DACH1: variants seen among roughly 807,000 people sequenced by gnomAD.
DACH1 encodes dachshund family transcription factor 1, also known as dachshund homolog 1.
DACH1 carries 12 observed loss-of-function variants against 54.2 expected under a neutral mutation model. The ratio of observed to expected loss-of-function variants is 0.22; its 90% CI spans 0.14 to 0.36. The LOEUF (loss-of-function observed/expected upper bound fraction) is 0.36, where lower values mean the gene tolerates loss of function less well. Ranked by LOEUF, DACH1 falls within the 10% of genes least tolerant of loss-of-function variation. DACH1 has a pLI of 1.00. For missense variants in DACH1, 805 were observed against 929.8 expected (o/e 0.87, Z 1.75); for synonymous variants, 386 against 366.2 (o/e 1.05, Z -0.62).
At chr13:71,472,461 T>C (rs946295516) in intron 10 of DACH1, among the ~76,000 whole-genome samples, 1 of 152,228 alleles carries the variant, frequency 6.6e-6, no homozygotes, top group African/African-American at 2.4e-5. Context: ...GCCCAACTTC[T>C]AGGTGACTAA....
intron 6 of DACH1, among the ~76,000 whole-genome samples, chr13:71,491,248 T>G (rs1294436495): frequency 6.6e-6 from 1 of 152,176 alleles, no homozygotes; most frequent in Non-Finnish European, 1.5e-5. Context: ...AAGAGGCTCA[T>G]GTAGCCTAGA....
chr13:71,723,387 C>A (rs985930764), intron 1 of DACH1, among the ~76,000 whole-genome samples: 1 of 151,996 alleles, frequency 6.6e-6, no homozygotes. Context: ...GCATTCCAGC[C>A]GAGGCAGTAG....
chr13:71,856,809 G>A (rs1874033090), intron 1 of DACH1, among the ~76,000 whole-genome samples: 2 of 151,832 alleles, frequency 1.3e-5, no homozygotes, highest in Non-Finnish European at 1.5e-5. Flanking sequence ...TCTTTACTAG[G>A]TGTTTTCAAA....
At chr13:71,703,689 A>G (rs187013635) in intron 1 of DACH1, among the ~76,000 whole-genome samples, 109 of 139,854 alleles carry the variant, frequency 7.8e-4, no homozygotes, top group African/African-American at 3.6e-3. Context: ...TTCAACACCT[A>G]TGAGTAGGGT....
At chr13:71,594,437 TG>T (rs1266592532) in intron 3 of DACH1, among the ~76,000 whole-genome samples, 1 of 152,100 alleles carries the variant, frequency 6.6e-6, no homozygotes, top group East Asian at 1.9e-4. Flanking sequence ...ATTACATCAA[TG>T]GAAATTTCTC....
intron 2 of DACH1, among the ~76,000 whole-genome samples, chr13:71,633,149 C>A (rs1475400274): frequency 6.6e-6 from 1 of 152,164 alleles, no homozygotes; most frequent in East Asian, 1.9e-4. Flanking sequence ...TCACTATTAT[C>A]AGAGAGATCC....
At chr13:71,682,150 A>T (rs958944152) in intron 1 of DACH1, among the ~76,000 whole-genome samples, 1 of 152,206 alleles carries the variant, frequency 6.6e-6, no homozygotes, top group African/African-American at 2.4e-5. Flanking sequence ...CTGCTTCTTC[A>T]TATTAATATC....
intron 1 of DACH1, among the ~76,000 whole-genome samples, chr13:71,742,100 T>C (rs1162088837): frequency 6.6e-6 from 1 of 152,204 alleles, no homozygotes; most frequent in Non-Finnish European, 1.5e-5. Context: ...GATAGGTTTA[T>C]CAGGGGTTTC....
intron 1 of DACH1, among the ~76,000 whole-genome samples, chr13:71,858,546 C>G (rs1171653602): frequency 6.6e-6 from 1 of 151,670 alleles, no homozygotes; most frequent in Non-Finnish European, 1.5e-5. Context: ...TAAAGATCTA[C>G]TTATAGTCAA....
In DACH1 at chr13:71,446,403, G is replaced by A. The variant is rs115501963; in HGVS notation, c.2084-5711C>T. Reference sequence around the variant, plus strand: ...TTAAGTAAACTGGCAATAATGATTCGTATCAGTAAAGCTAACATTTTCTGA... The same window carrying A: ...TTAAGTAAACTGGCAATAATGATTCATATCAGTAAAGCTAACATTTTCTGA... On this transcript the variant is annotated intron_variant, in intron 10 of 10. Transcript: ENST00000613252. Among the ~76,000 whole-genome samples, 889 of 152,256 alleles carry A rather than the reference G, an allele frequency of 5.8e-3. 7 individuals are homozygous for A. The highest frequency in any genetic ancestry group is 0.02 in the African/African-American group (839 of 41,542).
intron 3 of DACH1, among the ~76,000 whole-genome samples, chr13:71,592,656 A>T (rs183465594): frequency 6.6e-6 from 1 of 152,054 alleles, no homozygotes; most frequent in Non-Finnish European, 1.5e-5. Flanking sequence ...TCAATACCGA[A>T]AAATAGCTAA....
intron 10 of DACH1, among the ~76,000 whole-genome samples, chr13:71,461,227 T>C (rs184662554): frequency 2.6e-5 from 4 of 152,216 alleles, no homozygotes; most frequent in African/African-American, 9.6e-5. Context: ...ATGGTGTTAA[T>C]CTGAATGGCA....
At chr13:71,580,714 C>T (rs1872777077) in intron 3 of DACH1, among the ~76,000 whole-genome samples, 1 of 152,128 alleles carries the variant, frequency 6.6e-6, no homozygotes, top group Non-Finnish European at 1.5e-5. Context: ...CCTTCCTAAA[C>T]CTGGTTAGCC....
intron 1 of DACH1, among the ~76,000 whole-genome samples, chr13:71,702,861 C>T (rs140272316): frequency 5.8e-4 from 88 of 152,244 alleles, no homozygotes; most frequent in Middle Eastern, 3.4e-3. Context: ...TAGACCATAA[C>T]ATTCCAAGAG....
chr13:71,801,565 G>A (rs940594575), intron 1 of DACH1, among the ~76,000 whole-genome samples: 1 of 152,000 alleles, frequency 6.6e-6, no homozygotes, highest in Admixed American at 6.6e-5. Context: ...AGGAGTTCGC[G>A]GTTCCAAGTG....
chr13:71,768,863 A>G (rs1412045798), intron 1 of DACH1, among the ~76,000 whole-genome samples: 2 of 151,900 alleles, frequency 1.3e-5, no homozygotes, highest in East Asian at 3.9e-4. Flanking sequence ...GTTATTTGAC[A>G]TCACGCATTT....
At chr13:71,731,290 CTTTTT>C (rs1201969481) in intron 1 of DACH1, among the ~76,000 whole-genome samples, 1 of 131,050 alleles carries the variant, frequency 7.6e-6, no homozygotes, top group African/African-American at 2.9e-5. Context: ...TCTTGATCTT[CTTTTT>C]TTTTTTTTTT....
intron 3 of DACH1, among the ~76,000 whole-genome samples, chr13:71,611,592 T>C (rs1875333121): frequency 6.6e-6 from 1 of 152,218 alleles, no homozygotes; most frequent in African/African-American, 2.4e-5. Context: ...TGTTTGATTT[T>C]ATGAACCACA....
At chr13:71,759,812 A>AC (rs1209597061) in intron 1 of DACH1, among the ~76,000 whole-genome samples, 2 of 152,298 alleles carry the variant, frequency 1.3e-5, no homozygotes, top group South Asian at 4.1e-4. Context: ...GGAGAAAAAA[A>AC]AAATCTGAAA....
Sources: gnomAD v4.1 joint callset for allele counts (sites outside exome capture counted in the v4.1 genomes callset) on GRCh38, gnomAD v4.1.1 for gene constraint, MANE v1.5 for transcripts, NCBI Gene and HGNC (gene_info 2026-07-23, HGNC 2026-07-21) for gene names.